Variants in ZNF562 observed in about 807,000 individuals in gnomAD.
The protein encoded by ZNF562 is zinc finger protein 562.
Under a neutral mutation model 17.5 loss-of-function variants are expected in ZNF562, and 13 were observed. The ratio of observed to expected loss-of-function variants is 0.74; its 90% CI spans 0.48 to 1.18. The LOEUF is 1.18. Among genes scored for constraint, ZNF562 ranks in the 50% most tolerant of loss-of-function variants. The pLI, the probability that ZNF562 is intolerant of heterozygous loss-of-function variation, is 0.00. For missense variants in ZNF562, 481 were observed against 498.5 expected (o/e 0.96, Z 0.33); for synonymous variants, 163 against 165.4 (o/e 0.99, Z 0.11).
At position 9,648,790 on chromosome 19, in the gene ZNF562, A is replaced by T. The variant is rs765751193; in HGVS notation, c.*4159T>A. The T allele has an allele frequency of 1.3e-5, 2 of 151,672 alleles. No homozygotes were observed. Among genetic ancestry groups the T allele is most frequent in the African/African-American group, 4.8e-5 (2 of 41,256 alleles). The allele number at this position is 151,672 out of a possible 1,614,324, so 9.4% of individuals were successfully genotyped here. Reference sequence around the variant, plus strand: ...TAGGCATGCATCACCACATCATTTCATTGAAGTATTTATTAGGTACCATCA... The same window carrying T: ...TAGGCATGCATCACCACATCATTTCTTTGAAGTATTTATTAGGTACCATCA... On this transcript the variant is annotated 3_prime_UTR_variant, in exon 6 of 6. Transcript: ENST00000453372.
Position 9,656,529 on chromosome 19 carries a change from A to G in ZNF562, c.348+18T>C. ...CAAAAAACAGAAGAAAAAAATAAGTATCCCTCATGAATCTTACCATTTGTA... is the reference window on the plus strand; with the variant it reads ...CAAAAAACAGAAGAAAAAAATAAGTGTCCCTCATGAATCTTACCATTTGTA... On this transcript the variant is annotated intron_variant, in intron 5 of 5. Coordinates refer to ENST00000453372, the MANE Select transcript of ZNF562 (RefSeq NM_001130031.2). 1.2e-6 allele frequency: 2 copies of G among 1,610,658 alleles called. No individual in the cohort carries two copies. Among genetic ancestry groups the G allele is most frequent in the East Asian group, 4.5e-5 (2 of 44,824 alleles).
In ZNF562 at chr19:9,652,706, G is replaced by T. The variant is rs2144957858; in HGVS notation, c.*243C>A. 2.9e-6 allele frequency: 1 copy of T among 343,276 alleles called. No individual in the cohort carries two copies. The highest frequency in any genetic ancestry group is 5.2e-6 in the Non-Finnish European group (1 of 191,240). The allele number at this position is 343,276 out of a possible 1,614,324, so 21.3% of individuals were successfully genotyped here. ...ATTACAACCTCCAAAAGGCATTTAG[G>T]ACTAATCTGATGATCTTTGCACTGC... On this transcript the variant is annotated 3_prime_UTR_variant, in exon 6 of 6. Coordinates refer to ENST00000453372, the MANE Select transcript of ZNF562 (RefSeq NM_001130031.2).
rs2074786934 is a variant in ZNF562 at position 9,643,585 on chromosome 19, T to C, written c.*9364A>G. 1 of 128,270 alleles carries C rather than the reference T, an allele frequency of 7.8e-6. No homozygotes were observed. 7.9% of individuals were successfully genotyped at this position (128,270 alleles called of 1,614,324 possible). A position where few individuals can be genotyped will look rare whatever the true frequency, so the allele number is the denominator to read the frequency against. ...CCTTCCTAGCTTCCTTTTTTCCTTC[T>C]TTTTTTTTTTTTTTTAAATGGAGTC... On this transcript the variant is annotated 3_prime_UTR_variant, in exon 6 of 6. Transcript: ENST00000453372.
At position 9,648,273 on chromosome 19, in the gene ZNF562, A is replaced by ACC. The variant is rs1181464977; in HGVS notation, c.*4675_*4676insGG. The ACC allele has an allele frequency of 6.6e-6, 1 of 152,220 alleles. No homozygotes were observed. Among genetic ancestry groups the ACC allele is most frequent in the African/African-American group, 2.4e-5 (1 of 41,458 alleles). 9.4% of individuals were successfully genotyped at this position (152,220 alleles called of 1,614,324 possible). ...ATACAAGGTTGATGTAACATTGGAAAAGCAATAAATACAAATACCACATTT... is the reference window on the plus strand; with the variant it reads ...ATACAAGGTTGATGTAACATTGGAAACCAGCAATAAATACAAATACCACATTT... On this transcript the variant is annotated 3_prime_UTR_variant, in exon 6 of 6. Coordinates refer to ENST00000453372, the MANE Select transcript of ZNF562 (RefSeq NM_001130031.2).
intron 2 of ZNF562, among the ~76,000 whole-genome samples, chr19:9,659,844 C>T (rs570792587): frequency 4.2e-5 from 6 of 143,902 alleles, no homozygotes; most frequent in Admixed American, 2.2e-4. Flanking sequence ...GTAATCCCAA[C>T]ATTTTGGGAG....
chr19:9,667,655 A>G (rs540172173), intron 1 of ZNF562, among the ~76,000 whole-genome samples: 2 of 152,278 alleles, frequency 1.3e-5, no homozygotes, highest in East Asian at 3.9e-4. Flanking sequence ...TGCAGTGGTG[A>G]TCATAGCTCA....
In ZNF562 at chr19:9,660,893, AAAC is replaced by A. The variant is rs1599294158; in HGVS notation, c.-130-22_-130-20del. ...TGAGGCCCTGTTCATACCAATCACC[AAAC>A]AACAAGCATCAAACATCAGTCATTG... On this transcript the variant is annotated intron_variant, in intron 1 of 5. Coordinates refer to ENST00000453372, the MANE Select transcript of ZNF562 (RefSeq NM_001130031.2). The A allele has an allele frequency of 4.8e-6, 3 of 629,694 alleles. No individual in the cohort carries two copies. Among genetic ancestry groups the A allele is most frequent in the Non-Finnish European group, 7.9e-6 (3 of 378,116 alleles). 39.0% of individuals were successfully genotyped at this position (629,694 alleles called of 1,614,324 possible).
At position 9,651,308 on chromosome 19, in the gene ZNF562, G is replaced by A. The variant is rs756865875; in HGVS notation, c.*1641C>T. On this transcript the variant is annotated 3_prime_UTR_variant, in exon 6 of 6. Transcript: ENST00000453372. ...TTGATATAAAGTGGTGAAGAACTTG[G>A]CAGAACTGTATTCTAGCATTTTACG... 2 of 152,172 alleles carry A rather than the reference G, an allele frequency of 1.3e-5. No homozygotes were observed. Among genetic ancestry groups the A allele is most frequent in the African/African-American group, 2.4e-5 (1 of 41,428 alleles). 9.4% of individuals were successfully genotyped at this position (152,172 alleles called of 1,614,324 possible).
Position 9,658,173 on chromosome 19 carries a change from C to T in ZNF562, c.115-38G>A, listed in dbSNP as rs577451594. 4.0e-5 allele frequency: 63 copies of T among 1,593,954 alleles called. No homozygotes were observed. In the African/African-American group the frequency reaches 8.0e-4, roughly 20 times the overall value. On this transcript the variant is annotated intron_variant, in intron 3 of 5. Transcript: ENST00000453372. ...ACACATGCTGGTTTGAGCCAATGAA[C>T]ACTTCCACCAATATTCACTGGAGAA...
intron 4 of ZNF562, among the ~76,000 whole-genome samples, chr19:9,657,656 ACTGC>A (rs1031699470): frequency 4.7e-5 from 7 of 150,198 alleles, no homozygotes; most frequent in Non-Finnish European, 8.9e-5. Flanking sequence ...AAGCGATTCT[ACTGC>A]CTCAGCCTCC....
intron 1 of ZNF562, among the ~76,000 whole-genome samples, chr19:9,663,454 C>G (rs2043834106): frequency 6.6e-6 from 1 of 151,256 alleles, no homozygotes; most frequent in Admixed American, 6.6e-5. Context: ...GCCAGAATCA[C>G]TCCACACCAT....
chr19:9,672,839 G>C (rs1244060167), intron 1 of ZNF562, among the ~76,000 whole-genome samples: 1 of 149,524 alleles, frequency 6.7e-6, no homozygotes, highest in African/African-American at 2.5e-5. Flanking sequence ...GAGGGCAGTG[G>C]CGGGATCTCG....
chr19:9,652,897 A>G lies in ZNF562; in HGVS notation c.*52T>C. The G allele has an allele frequency of 2.1e-6, 3 of 1,442,836 alleles. No homozygotes were observed. Among genetic ancestry groups the G allele is most frequent in the Non-Finnish European group, 2.8e-6 (3 of 1,090,522 alleles). The allele number at this position is 1,442,836 out of a possible 1,614,324, so 89.4% of individuals were successfully genotyped here. On this transcript the variant is annotated 3_prime_UTR_variant, in exon 6 of 6. Coordinates refer to ENST00000453372, the MANE Select transcript of ZNF562 (RefSeq NM_001130031.2). ...ATACAAAAGGTTTCTCTCTGGTAGG[A>G]GTTCACAGGTGGGGTGAGGAATACA... is the stretch of plus-strand genomic sequence containing the variant.
In ZNF562 at chr19:9,642,776, C is replaced by T. The variant is rs1050746582; in HGVS notation, c.*10173G>A. ...GGCACAGTGGCTCAACCCTGTCATC[C>T]TAGCATTTTGGGAGGCTGATGCAGA... On this transcript the variant is annotated 3_prime_UTR_variant, in exon 6 of 6. Coordinates refer to ENST00000453372, the MANE Select transcript of ZNF562 (RefSeq NM_001130031.2). 7.3e-5 allele frequency: 11 copies of T among 151,684 alleles called. No individual in the cohort carries two copies. Among genetic ancestry groups the T allele is most frequent in the African/African-American group, 2.7e-4 (11 of 41,308 alleles). The allele number at this position is 151,684 out of a possible 1,614,324, so 9.4% of individuals were successfully genotyped here.
Position 9,644,774 on chromosome 19 carries a change from C to A in ZNF562, c.*8175G>T, listed in dbSNP as rs539341392. 2 of 152,200 alleles carry A rather than the reference C, an allele frequency of 1.3e-5. No homozygotes were observed. Among genetic ancestry groups the A allele is most frequent in the Admixed American group, 1.3e-4 (2 of 15,268 alleles). 9.4% of individuals were successfully genotyped at this position (152,200 alleles called of 1,614,324 possible). A position where few individuals can be genotyped will look rare whatever the true frequency, so the allele number is the denominator to read the frequency against. ...ACTTGAACAGCATGGGGAAACCCCC[C>A]CCCATGATTCTATTACCTCCCACCT... On this transcript the variant is annotated 3_prime_UTR_variant, in exon 6 of 6. Transcript: ENST00000453372.
chr19:9,660,090 A>G (rs1254972343), intron 2 of ZNF562, among the ~76,000 whole-genome samples: 5 of 74,552 alleles, frequency 6.7e-5, no homozygotes, highest in Non-Finnish European at 9.7e-5. Context: ...CTCCATCTCA[A>G]AAAAAAAAAA....
At chr19:9,672,927 A>G (rs1002562843) in intron 1 of ZNF562, among the ~76,000 whole-genome samples, 6 of 151,740 alleles carry the variant, frequency 4.0e-5, no homozygotes, top group Non-Finnish European at 7.4e-5. Context: ...AAGATACAAT[A>G]TATTTCTCTG....
intron 3 of ZNF562, 97 bp downstream of exon 3, chr19:9,659,282 C>T: frequency 8.7e-7 from 1 of 1,149,498 alleles, no homozygotes; most frequent in Non-Finnish European, 1.2e-6. Flanking sequence ...TTCATTTGCT[C>T]TAAGAAAACT....
rs1225995705 is a variant in ZNF562, at chr19:9,650,925, G to C, written c.*2024C>G. 2 of 112,480 alleles carry C rather than the reference G, an allele frequency of 1.8e-5. No homozygotes were observed. The highest frequency in any genetic ancestry group is 3.3e-5 in the Non-Finnish European group (2 of 61,392). 7.0% of individuals were successfully genotyped at this position (112,480 alleles called of 1,614,324 possible). Reference sequence around the variant, plus strand: ...GCCAAGATCATACCATTGCACTCCAGCCTGGGCAACAAGAGCAAAACTCCA... The same window carrying C: ...GCCAAGATCATACCATTGCACTCCACCCTGGGCAACAAGAGCAAAACTCCA... On this transcript the variant is annotated 3_prime_UTR_variant, in exon 6 of 6. Coordinates refer to ENST00000453372, the MANE Select transcript of ZNF562 (RefSeq NM_001130031.2).
Sources: allele counts gnomAD v4.1 joint callset (sites outside exome capture counted in the v4.1 genomes callset), GRCh38; gene constraint gnomAD v4.1.1; transcripts MANE v1.5; gene names NCBI Gene and HGNC (gene_info 2026-07-23, HGNC 2026-07-21).